Variants in GMPR observed in about 807,000 individuals in gnomAD.
GMPR encodes the protein GMP reductase 1.
Under a neutral mutation model 38.4 loss-of-function variants are expected in GMPR, and 31 were observed. The ratio of observed to expected loss-of-function variants is 0.81; its 90% CI spans 0.61 to 1.09. The LOEUF (loss-of-function observed/expected upper bound fraction) is 1.09. Among genes scored for constraint, GMPR ranks in the 50% least tolerant of loss-of-function variants. GMPR has a pLI of 0.00. For synonymous variants in GMPR, 162 were observed against 173.3 expected (o/e 0.93, Z 0.51); for missense variants, 468 against 453.7 (o/e 1.03, Z -0.29).
intron 1 of GMPR, among the ~76,000 whole-genome samples, chr6:16,243,237 G>C (rs1479695319): frequency 1.3e-5 from 2 of 152,240 alleles, no homozygotes; most frequent in Non-Finnish European, 2.9e-5. Flanking sequence ...GATTCATGAA[G>C]TTTGAGGCAG....
chr6:16,289,062 T>C (rs1409697555), intron 7 of GMPR, among the ~76,000 whole-genome samples: 1 of 152,192 alleles, frequency 6.6e-6, no homozygotes, highest in Admixed American at 6.5e-5. Flanking sequence ...TCCTTTTCTT[T>C]GGGAGGGTGA....
At chr6:16,261,239 T>G (rs964041961) in intron 4 of GMPR, among the ~76,000 whole-genome samples, 2 of 151,864 alleles carry the variant, frequency 1.3e-5, no homozygotes, top group Non-Finnish European at 2.9e-5. Flanking sequence ...GTTTGGGAGA[T>G]TAATTGGACA....
intron 4 of GMPR, among the ~76,000 whole-genome samples, chr6:16,270,878 CCTT>C (rs1375269309): frequency 7.9e-5 from 12 of 152,162 alleles, no homozygotes; most frequent in African/African-American, 2.9e-4. Context: ...GCGGCGTCAG[CCTT>C]CTTGATGTTT....
In GMPR at chr6:16,290,588, T is replaced by C. The variant is rs146699039; in HGVS notation, c.824T>C (p.Met275Thr). Residue 275 changes from methionine to threonine, a missense_variant, in exon 8 of 9, where the codon ATG (methionine) becomes ACG (threonine). Transcript: ENST00000259727. Reference sequence around the variant, plus strand: ...TACGGGATGAGCTCTGACACCGCCATGAACAAGCACGCAGGAGGAGTTGCT... The same window carrying C: ...TACGGGATGAGCTCTGACACCGCCACGAACAAGCACGCAGGAGGAGTTGCT... ...LFYGMSSDTA[M>T]NKHAGGVAEY... 27 of 1,614,154 alleles carry C rather than the reference T, an allele frequency of 1.7e-5. No individual in the cohort carries two copies. The highest frequency in any genetic ancestry group is 2.3e-5 in the Non-Finnish European group (27 of 1,180,020).
intron 2 of GMPR, among the ~76,000 whole-genome samples, chr6:16,248,307 T>TA (rs990567108): frequency 5.5e-5 from 8 of 146,044 alleles, no homozygotes; most frequent in East Asian, 4.0e-4. Context: ...AAAATAAAAT[T>TA]AAAAAAAAAT....
At chr6:16,239,737 G>A (rs1215635684) in intron 1 of GMPR, among the ~76,000 whole-genome samples, 1 of 152,220 alleles carries the variant, frequency 6.6e-6, no homozygotes, top group Admixed American at 6.5e-5. Context: ...AAAGAAGTCC[G>A]CTGCCCACTC....
intron 1 of GMPR, among the ~76,000 whole-genome samples, chr6:16,245,755 C>T (rs79354673): frequency 0.011 from 1,728 of 152,284 alleles, 45 homozygotes; most frequent in African/African-American, 0.04. Flanking sequence ...GGGTGAGGGT[C>T]GGAGGGAGAA....
At chr6:16,255,312 C>A in intron 4 of GMPR, among the ~76,000 whole-genome samples, 1 of 151,848 alleles carries the variant, frequency 6.6e-6, no homozygotes, top group Middle Eastern at 3.2e-3. Context: ...CACACTCAGC[C>A]CCATATGATA....
chr6:16,246,966 G>T lies in GMPR; in HGVS notation c.207+5G>T. The stretch of plus-strand genomic sequence containing the variant: ...ATGGCAGCCGTGATGTCACAGGTGA[G>T]GCGGTAGGCTTTTGTTTTTTCCCTT... On this transcript the variant is annotated splice_donor_5th_base_variant and intron_variant, in intron 2 of 8. Coordinates refer to ENST00000259727, the MANE Select transcript of GMPR (RefSeq NM_006877.4). 6 of 1,612,306 alleles carry T rather than the reference G, an allele frequency of 3.7e-6. No individual in the cohort carries two copies. Among genetic ancestry groups the T allele is most frequent in the Non-Finnish European group, 5.1e-6 (6 of 1,179,522 alleles).
chr6:16,247,353 C>T (rs543971798), intron 2 of GMPR, among the ~76,000 whole-genome samples: 86 of 151,538 alleles, frequency 5.7e-4, no homozygotes, highest in African/African-American at 1.9e-3. Flanking sequence ...CGCTTATGTA[C>T]GAAACACTGC....
chr6:16,287,110 A>G (rs1581666244), intron 7 of GMPR, among the ~76,000 whole-genome samples: 1 of 151,996 alleles, frequency 6.6e-6, no homozygotes, highest in African/African-American at 2.4e-5. Flanking sequence ...CCAGCTTCCT[A>G]TTTTATAGTT....
intron 4 of GMPR, chr6:16,259,436 T>G (rs1413550398): frequency 6.6e-6 from 1 of 152,048 alleles, no homozygotes; most frequent in Non-Finnish European, 1.5e-5. Flanking sequence ...CATTCCTGTC[T>G]TCTTATGTTA....
At chr6:16,246,986 T>A in intron 2 of GMPR, 25 bp downstream of exon 2, 1 of 1,610,118 alleles carries the variant, frequency 6.2e-7, no homozygotes, top group South Asian at 1.1e-5. Flanking sequence ...TTTTGTTTTT[T>A]CCCTTTGCTG....
intron 4 of GMPR, among the ~76,000 whole-genome samples, chr6:16,268,239 A>G (rs1291846033): frequency 6.6e-6 from 1 of 152,176 alleles, no homozygotes; most frequent in South Asian, 2.1e-4. Flanking sequence ...TGTTGCCTGG[A>G]TAGCAACTAT....
At chr6:16,272,297 A>G (rs1428452823) in intron 4 of GMPR, among the ~76,000 whole-genome samples, 1 of 152,234 alleles carries the variant, frequency 6.6e-6, no homozygotes, top group African/African-American at 2.4e-5. Flanking sequence ...ATTTTGGGGA[A>G]TATATTTACA....
intron 8 of GMPR, among the ~76,000 whole-genome samples, chr6:16,290,933 A>G (rs1759830023): frequency 6.6e-6 from 1 of 152,192 alleles, no homozygotes. Context: ...TCCTTCCAGT[A>G]GAGCCTGTGC....
intron 6 of GMPR, 26 bp downstream of exon 6, chr6:16,278,916 T>C: frequency 1.4e-6 from 2 of 1,429,920 alleles, no homozygotes; most frequent in Non-Finnish European, 2.0e-6. Context: ...GGGCTGAGGC[T>C]GGGGTGTCTT....
chr6:16,266,132 GCCATCTTTAA>G (rs1561826946), intron 4 of GMPR, among the ~76,000 whole-genome samples: 1 of 106,276 alleles, frequency 9.4e-6, no homozygotes, highest in Non-Finnish European at 1.9e-5. Context: ...TGTAACACTT[GCCATCTTTAA>G]GAGCTGTAAC....
rs973390213 is a variant in GMPR, at chr6:16,250,200, T to C, written c.208-84T>C. On this transcript the variant is annotated intron_variant, in intron 2 of 8. Transcript: ENST00000259727. ...TGGCAGGAACACTGATGCCTTTGTC[T>C]TGTTGGATCACCACCTCCAGATGGA... is the stretch of plus-strand genomic sequence containing the variant. The C allele has an allele frequency of 3.7e-6, 3 of 802,064 alleles. No homozygotes were observed. The African/African-American group carries it at 5.0e-5, about 13-fold the overall frequency. 49.7% of individuals were successfully genotyped at this position (802,064 alleles called of 1,614,324 possible).
Sources: gnomAD v4.1 joint callset for allele counts (sites outside exome capture counted in the v4.1 genomes callset) on GRCh38, gnomAD v4.1.1 for gene constraint, MANE v1.5 for transcripts, NCBI Gene and HGNC (gene_info 2026-07-23, HGNC 2026-07-21) for gene names.